CFAP65: variants seen among roughly 807,000 people sequenced by gnomAD.
CFAP65 encodes cilia- and flagella-associated protein 65.
A neutral mutation model predicts 208.0 loss-of-function variants in CFAP65; 155 were observed. That is an observed-to-expected ratio of 0.75 (90% confidence interval 0.65 to 0.85). The LOEUF (loss-of-function observed/expected upper bound fraction) is 0.85. CFAP65 is among the 40% of genes least tolerant of loss of function. CFAP65 has a pLI of 0.00. For synonymous variants in CFAP65, 970 were observed against 986.3 expected (o/e 0.98, Z 0.31); for missense variants, 2,294 against 2,451.3 (o/e 0.94, Z 1.36).
Position 219,019,447 on chromosome 2 carries a change from T to G in CFAP65, c.3473+59A>C, listed in dbSNP as rs183375676. On this transcript the variant is annotated intron_variant, in intron 20 of 34. Transcript: ENST00000341552. ...CTGGGAGTCTGGGCAGAAAGCTCCA[T>G]GAACATCCCTAGATAGGCCCTGCCC... The G allele has an allele frequency of 2.1e-4, 298 of 1,418,418 alleles. 1 individual carries two copies. The African/African-American group carries it at 3.8e-3, about 18-fold the overall frequency. 87.9% of individuals were successfully genotyped at this position (1,418,418 alleles called of 1,614,324 possible).
chr2:219,023,272 C>T lies in CFAP65; in HGVS notation c.2755G>A (p.Glu919Lys), dbSNP rs1947391484. The T allele has an allele frequency of 6.2e-7, 1 of 1,613,172 alleles. No individual in the cohort carries two copies. The highest frequency in any genetic ancestry group is 8.5e-7 in the Non-Finnish European group (1 of 1,179,950). ...LPLQFEWRVS[E>K]QHRKLLAVQP... ...ACAGCCAGCAGCTTTCGATGCTGCT[C>T]AGAGACCCTCCACTCGAACTGCAGG... is the stretch of plus-strand genomic sequence containing the variant. The change falls in exon 16 of 35, where the codon GAG (glutamate) becomes AAG (lysine). Residue 919 changes from glutamate to lysine, a missense_variant. Around this residue, in one of 2 missense-constraint regions of CFAP65, gnomAD observed 1,427 missense variants for 1,438.7 expected, o/e 0.99. Coordinates refer to ENST00000341552, the MANE Select transcript of CFAP65 (RefSeq NM_194302.4).
chr2:219,017,625 G>A (rs1405185186), intron 21 of CFAP65, among the ~76,000 whole-genome samples: 4 of 152,258 alleles, frequency 2.6e-5, no homozygotes, highest in Non-Finnish European at 4.4e-5. Flanking sequence ...GGATGGGCCC[G>A]GCTGGCCGGG....
intron 29 of CFAP65, among the ~76,000 whole-genome samples, chr2:219,006,999 G>A (rs1946054101): frequency 6.6e-6 from 1 of 152,106 alleles, no homozygotes; most frequent in South Asian, 2.1e-4. Context: ...CTGAGTGAAG[G>A]AAATGCCATC....
Position 219,023,109 on chromosome 2 carries a change from T to C in CFAP65, c.2820+98A>G, listed in dbSNP as rs116320711. ...GTGGGGGAAGTTACTGTGGATGGAA[T>C]TGGGGGCTGCACATGGCAAGTCTGG... is the stretch of plus-strand genomic sequence containing the variant. On this transcript the variant is annotated intron_variant, in intron 16 of 34. Coordinates refer to ENST00000341552, the MANE Select transcript of CFAP65 (RefSeq NM_194302.4). 4,161 of 986,404 alleles carry C rather than the reference T, an allele frequency of 4.2e-3. 124 individuals carry two copies. The African/African-American group carries it at 0.057, about 14-fold the overall frequency. The allele number at this position is 986,404 out of a possible 1,614,324, so 61.1% of individuals were successfully genotyped here. A position where few individuals can be genotyped will look rare whatever the true frequency, so the allele number is the denominator to read the frequency against.
intron 2 of CFAP65, among the ~76,000 whole-genome samples, 171 bp downstream of exon 2, chr2:219,040,348 A>G (rs2106285170): frequency 6.6e-6 from 1 of 152,128 alleles, no homozygotes; most frequent in South Asian, 2.1e-4. Context: ...CCACCCACCA[A>G]CACCCTTCCA....
chr2:219,018,983 C>T, intron 21 of CFAP65, 68 bp downstream of exon 21: 1 of 1,603,600 alleles, frequency 6.2e-7, no homozygotes, highest in Non-Finnish European at 8.5e-7. Flanking sequence ...GAGAGTGCAG[C>T]TCTTGTTCTC....
chr2:219,005,409 G>A (rs771878287), intron 32 of CFAP65, 25 bp downstream of exon 32: 3 of 1,613,662 alleles, frequency 1.9e-6, no homozygotes, highest in South Asian at 1.1e-5. Flanking sequence ...AGGTGGCAAT[G>A]AGGGCCCAGG....
intron 1 of CFAP65, among the ~76,000 whole-genome samples, chr2:219,041,115 G>C (rs1376658395): frequency 6.6e-6 from 1 of 152,200 alleles, no homozygotes; most frequent in Non-Finnish European, 1.5e-5. Context: ...GTTTTAAATT[G>C]AAGTTTCCAA....
chr2:219,026,772 G>T (rs933596850), intron 13 of CFAP65: 3 of 986,276 alleles, frequency 3.0e-6, no homozygotes, highest in Non-Finnish European at 3.6e-6. Flanking sequence ...GGACTGTGCA[G>T]GTCTAGAGCC....
chr2:219,041,443 G>T, intron 1 of CFAP65, 45 bp downstream of exon 1: 1 of 1,548,450 alleles, frequency 6.5e-7, no homozygotes, highest in Non-Finnish European at 8.7e-7. Flanking sequence ...CACTCGCGCC[G>T]CTCCCTGAGA....
chr2:219,021,128 C>A lies in CFAP65; in HGVS notation c.3259+24G>T, dbSNP rs200184798. 720 of 1,496,416 alleles carry A rather than the reference C, an allele frequency of 4.8e-4. 3 individuals carry two copies. In the African/African-American group the frequency reaches 8.7e-3, roughly 18 times the overall value. 92.7% of individuals were successfully genotyped at this position (1,496,416 alleles called of 1,614,324 possible). On this transcript the variant is annotated intron_variant, in intron 19 of 34. Coordinates refer to ENST00000341552, the MANE Select transcript of CFAP65 (RefSeq NM_194302.4). ...ATCCTGCATTTCCCCGGCCCCGACT[C>A]TCTATGCCAGGCAGTCTAGGTACCT...
chr2:219,008,841 G>A (rs1356311260), intron 29 of CFAP65, among the ~76,000 whole-genome samples: 1 of 152,256 alleles, frequency 6.6e-6, no homozygotes, highest in African/African-American at 2.4e-5. Flanking sequence ...CACGAGGCAG[G>A]GAATGGACAG....
At chr2:219,022,442 C>A in intron 16 of CFAP65, 113 bp from the exon 17 acceptor site, 2 of 1,222,860 alleles carry the variant, frequency 1.6e-6, no homozygotes, top group Admixed American at 2.1e-5. Flanking sequence ...TTCTCAGAAT[C>A]TACCCTATGC....
At position 219,002,926 on chromosome 2, in the gene CFAP65, G is replaced by T. The variant is rs1181953992; in HGVS notation, c.*11C>A. On this transcript the variant is annotated 3_prime_UTR_variant, in exon 35 of 35. Coordinates refer to ENST00000341552, the MANE Select transcript of CFAP65 (RefSeq NM_194302.4). The surrounding 1 kb of genome is among the most constrained non-coding windows in gnomAD (Gnocchi z 7.9). ...CCCTAGCGGCATGTCGGAGAGGCTG[G>T]GCGCGGGCATTTACGGAAGGTCGGT... 6 of 1,561,986 alleles carry T rather than the reference G, an allele frequency of 3.8e-6. No homozygotes were observed. The Admixed American group carries it at 7.8e-5, about 20-fold the overall frequency.
intron 21 of CFAP65, among the ~76,000 whole-genome samples, chr2:219,017,810 G>C (rs942905816): frequency 6.6e-6 from 1 of 152,232 alleles, no homozygotes; most frequent in Non-Finnish European, 1.5e-5. Context: ...GCCTGGCTCC[G>C]GGCCCACTCA....
chr2:219,009,721 T>G (rs1574532525), intron 27 of CFAP65, among the ~76,000 whole-genome samples: 2 of 39,614 alleles, frequency 5.0e-5, no homozygotes, highest in Non-Finnish European at 4.5e-5. Flanking sequence ...TGGGATGGAG[T>G]AGAATGGGGT....
chr2:219,026,435 A>C (rs1322035143), intron 13 of CFAP65: 1 of 330,672 alleles, frequency 3.0e-6, no homozygotes, highest in African/African-American at 2.1e-5. Flanking sequence ...ATTCTGTAAG[A>C]ATGAGCCTAG....
chr2:219,011,202 T>A (rs932563153), intron 24 of CFAP65, among the ~76,000 whole-genome samples: 1 of 152,140 alleles, frequency 6.6e-6, no homozygotes, highest in African/African-American at 2.4e-5. Flanking sequence ...TGTAATCTTA[T>A]TTGTAAAGGA....
chr2:219,038,582 G>A lies in CFAP65; in HGVS notation c.154-4C>T. 6.2e-7 allele frequency: 1 copy of A among 1,612,402 alleles called. No individual in the cohort carries two copies. The highest frequency in any genetic ancestry group is 8.5e-7 in the Non-Finnish European group (1 of 1,178,870). On this transcript the variant is annotated splice_polypyrimidine_tract_variant and splice_region_variant and intron_variant, in intron 3 of 34. Coordinates refer to ENST00000341552, the MANE Select transcript of CFAP65 (RefSeq NM_194302.4). ...AGGGAGCACTCTGAGTATGGAGCTG[G>A]GAAGAGAGCAGAGGGGAGAGGAGAC...
Sources: allele counts gnomAD v4.1 joint callset (sites outside exome capture counted in the v4.1 genomes callset), GRCh38; gene constraint gnomAD v4.1.1; regional missense constraint gnomAD v4.1.1; non-coding constraint Gnocchi (gnomAD v3.1); transcripts MANE v1.5; gene names NCBI Gene and HGNC (gene_info 2026-07-23, HGNC 2026-07-21).